Variants in JMJD1C observed in about 807,000 individuals in gnomAD.
JMJD1C encodes jumonji domain containing 1C.
A neutral mutation model predicts 245.3 loss-of-function variants in JMJD1C; 31 were observed. That is an observed-to-expected ratio of 0.13 (90% confidence interval 0.09 to 0.17). JMJD1C has a LOEUF of 0.17. Among genes scored for constraint, JMJD1C ranks in the 10% least tolerant of loss-of-function variants. JMJD1C has a pLI of 1.00. For synonymous variants in JMJD1C, 1,057 were observed against 1,017.4 expected, an observed-to-expected ratio of 1.04 and a Z score of -0.74; for missense variants, 2,691 against 3,000.2, an observed-to-expected ratio of 0.90 and a Z score of 2.41.
intron 3 of JMJD1C, among the ~76,000 whole-genome samples, chr10:63,251,448 T>A (rs1304414094): frequency 6.6e-6 from 1 of 152,230 alleles, no homozygotes; most frequent in Non-Finnish European, 1.5e-5. Context: ...AGATTCCTCA[T>A]TTATAATTAA....
At chr10:63,190,860 C>T (rs1188272984) in intron 17 of JMJD1C, 34 bp downstream of exon 17, 2 of 1,551,118 alleles carry the variant, frequency 1.3e-6, no homozygotes, top group Non-Finnish European at 8.9e-7. Flanking sequence ...CTATTTAAGG[C>T]CCACATTAAA....
intron 3 of JMJD1C, among the ~76,000 whole-genome samples, chr10:63,247,151 TA>T (rs1852329874): frequency 6.8e-6 from 1 of 147,440 alleles, no homozygotes; most frequent in African/African-American, 2.5e-5. Flanking sequence ...AAGAAAATTT[TA>T]AAAAAATGAA....
At chr10:63,459,929 T>C (rs1452235309) in intron 1 of JMJD1C, among the ~76,000 whole-genome samples, 2 of 152,222 alleles carry the variant, frequency 1.3e-5, no homozygotes, top group Non-Finnish European at 2.9e-5. Flanking sequence ...TGCTACCGTG[T>C]CAATACTATT....
chr10:63,277,886 G>A (rs760982447), intron 2 of JMJD1C, among the ~76,000 whole-genome samples: 8 of 151,464 alleles, frequency 5.3e-5, no homozygotes, highest in Middle Eastern at 3.4e-3. Flanking sequence ...ACAGGTGTGC[G>A]CCACCACGCC....
At chr10:63,325,031 T>C (rs1941349446) in intron 2 of JMJD1C, among the ~76,000 whole-genome samples, 1 of 152,188 alleles carries the variant, frequency 6.6e-6, no homozygotes. Flanking sequence ...ATAGTCTAAT[T>C]CTTAATATTA....
At chr10:63,457,376 A>G (rs36087226) in intron 1 of JMJD1C, among the ~76,000 whole-genome samples, 1 of 152,214 alleles carries the variant, frequency 6.6e-6, no homozygotes, top group Non-Finnish European at 1.5e-5. Context: ...ACACTATTTC[A>G]AACCCACACA....
At chr10:63,312,115 TTG>T (rs903815591) in intron 2 of JMJD1C, among the ~76,000 whole-genome samples, 1,329 of 132,564 alleles carry the variant, frequency 0.01, 223 homozygotes, top group Middle Eastern at 0.035. Flanking sequence ...TTTTTTTTTT[TTG>T]TGTGTGTGAG....
At chr10:63,468,072 T>C (rs1303379812), upstream of JMJD1C, among the ~76,000 whole-genome samples, 1 of 152,214 alleles carries the variant, frequency 6.6e-6, no homozygotes, top group Non-Finnish European at 1.5e-5. Context: ...TCCCACTACA[T>C]GTTGAATTCC....
At chr10:63,419,342 A>C (rs1949981926) in intron 1 of JMJD1C, among the ~76,000 whole-genome samples, 1 of 151,998 alleles carries the variant, frequency 6.6e-6, no homozygotes, top group Non-Finnish European at 1.5e-5. Flanking sequence ...AGCCAAGATC[A>C]CACCATTGCA....
At chr10:63,264,552 A>AT in intron 3 of JMJD1C, 99 bp downstream of exon 3, 1 of 603,048 alleles carries the variant, frequency 1.7e-6, no homozygotes. Context: ...ACTAGAAGTT[A>AT]GATGAAATGA....
chr10:63,463,994 CT>C (rs1952990381), intron 1 of JMJD1C, among the ~76,000 whole-genome samples: 1 of 150,258 alleles, frequency 6.7e-6, no homozygotes. Context: ...TTTTTTTTTC[CT>C]TTTTTACAGA....
intron 15 of JMJD1C, 34 bp downstream of exon 15, chr10:63,193,311 G>T: frequency 6.4e-7 from 1 of 1,557,278 alleles, no homozygotes; most frequent in Non-Finnish European, 8.7e-7. Flanking sequence ...TTTAACCACA[G>T]ATTTTATTTG....
rs544896441 is a variant in JMJD1C, at chr10:63,488,375, C to T, written n.113+33363G>A. On this transcript the variant is annotated intron_variant and non_coding_transcript_variant, in intron 1 of 3. Coordinates refer to the JMJD1C transcript ENST00000633035. ...TAAAATATCAATGTTCTAAAGCTACCTTTCTTAGATTAAGACCAGTGTGGG... is the reference window on the plus strand; with the variant it reads ...TAAAATATCAATGTTCTAAAGCTACTTTTCTTAGATTAAGACCAGTGTGGG... Among the ~76,000 whole-genome samples, 18 of 152,188 alleles carry T rather than the reference C, an allele frequency of 1.2e-4. No individual in the cohort carries two copies. The East Asian group carries it at 3.5e-3, about 29-fold the overall frequency.
intron 1 of JMJD1C, among the ~76,000 whole-genome samples, chr10:63,511,012 A>C (rs1954857039): frequency 6.6e-6 from 1 of 152,192 alleles, no homozygotes; most frequent in Non-Finnish European, 1.5e-5. Context: ...ATTTTGGTTA[A>C]TGTTAGCATG....
intron 2 of JMJD1C, among the ~76,000 whole-genome samples, chr10:63,321,767 C>G (rs916648897): frequency 6.6e-6 from 1 of 152,174 alleles, no homozygotes; most frequent in African/African-American, 2.4e-5. Context: ...GAGTTAGGCA[C>G]CTTTGCTTCA....
intron 1 of JMJD1C, among the ~76,000 whole-genome samples, chr10:63,394,791 C>T (rs369397008): frequency 3.4e-5 from 5 of 148,360 alleles, no homozygotes; most frequent in Non-Finnish European, 5.9e-5. Flanking sequence ...TTGCAGTGAG[C>T]GGAGATCACG....
chr10:63,402,929 C>T (rs889664005), intron 1 of JMJD1C, among the ~76,000 whole-genome samples: 10 of 152,172 alleles, frequency 6.6e-5, no homozygotes, highest in African/African-American at 2.4e-4. Flanking sequence ...TCTGACCTTG[C>T]TAACAACCAC....
intron 1 of JMJD1C, chr10:63,382,929 T>C: frequency 2.2e-6 from 1 of 453,346 alleles, no homozygotes; most frequent in South Asian, 1.6e-5. Context: ...TGCAATTACT[T>C]TTTTTATAGC....
At chr10:63,307,179 T>TA (rs899773897) in intron 2 of JMJD1C, among the ~76,000 whole-genome samples, 29 of 148,128 alleles carry the variant, frequency 2.0e-4, no homozygotes, top group East Asian at 5.9e-4. Context: ...ACTGTCTCTT[T>TA]AAAAAAAAAA....
Sources: allele counts gnomAD v4.1 joint callset (sites outside exome capture counted in the v4.1 genomes callset), GRCh38; gene constraint gnomAD v4.1.1; transcripts MANE v1.5; gene names NCBI Gene and HGNC (gene_info 2026-07-23, HGNC 2026-07-21).